The following LRFN5 variants were observed in gnomAD, a reference collection of about 807,000 sequenced individuals.
LRFN5 encodes leucine-rich repeat and fibronectin type-III domain-containing protein 5.
In LRFN5, 24 loss-of-function variants were observed where a neutral mutation model predicts 45.6. The observed-to-expected ratio is 0.53, with a 90% CI of 0.38 to 0.74. The LOEUF is 0.74. Ranked by LOEUF, LRFN5 falls within the 30% of genes least tolerant of loss-of-function variation. The pLI is 0.00. For missense variants in LRFN5, 776 were observed against 861.5 expected, an observed-to-expected ratio of 0.90 and a Z score of 1.24; for synonymous variants, 340 against 313.8, an observed-to-expected ratio of 1.08 and a Z score of -0.88.
chr14:41,650,994 G>C (rs1019203475), intron 1 of LRFN5, among the ~76,000 whole-genome samples: 1 of 151,912 alleles, frequency 6.6e-6, no homozygotes, highest in African/African-American at 2.4e-5. Flanking sequence ...TTACAAAAAA[G>C]ATGCTGAGTC....
At chr14:41,746,520 G>C (rs1054846567) in intron 1 of LRFN5, among the ~76,000 whole-genome samples, 11 of 151,888 alleles carry the variant, frequency 7.2e-5, no homozygotes, top group Admixed American at 2.0e-4. Flanking sequence ...ACAAATAAAG[G>C]GGTGAGATGA....
At chr14:41,640,455 C>A (rs1016909008) in intron 1 of LRFN5, among the ~76,000 whole-genome samples, 1 of 152,058 alleles carries the variant, frequency 6.6e-6, no homozygotes, top group Non-Finnish European at 1.5e-5. Context: ...ACTGAGGATG[C>A]ATTTCCATTC....
intron 2 of LRFN5, among the ~76,000 whole-genome samples, chr14:41,875,419 AT>A (rs750086058): frequency 9.2e-5 from 14 of 152,218 alleles, no homozygotes; most frequent in Non-Finnish European, 5.9e-5. Flanking sequence ...GAAAGAACAC[AT>A]TTACCTTCAC....
intron 1 of LRFN5, among the ~76,000 whole-genome samples, chr14:41,719,279 T>C (rs1883616182): frequency 1.3e-5 from 2 of 152,134 alleles, no homozygotes; most frequent in South Asian, 4.1e-4. Context: ...CATTTAGGCT[T>C]TCCATTTTAG....
At chr14:41,676,815 C>G (rs969856032) in intron 1 of LRFN5, among the ~76,000 whole-genome samples, 1 of 152,126 alleles carries the variant, frequency 6.6e-6, no homozygotes, top group African/African-American at 2.4e-5. Context: ...TCCTGAGAAG[C>G]TAGTCTTTAA....
At chr14:41,732,875 A>G (rs1438251264) in intron 1 of LRFN5, among the ~76,000 whole-genome samples, 1 of 151,974 alleles carries the variant, frequency 6.6e-6, no homozygotes, top group Admixed American at 6.6e-5. Flanking sequence ...AGAAAAATCA[A>G]TAAATTTACA....
chr14:41,688,837 C>T lies in LRFN5; in HGVS notation c.-196-78017C>T, dbSNP rs567710710. On this transcript the variant is annotated intron_variant, in intron 1 of 5. Transcript: ENST00000298119. ...CTGAAATCTCAGCACTGTCAGTGACCGAGGCAGAAGGATCTCTTGAGGCCA... is the reference window on the plus strand; with the variant it reads ...CTGAAATCTCAGCACTGTCAGTGACTGAGGCAGAAGGATCTCTTGAGGCCA... 3.1e-4 allele frequency among the ~76,000 whole-genome samples: 47 copies of T among 149,878 alleles called. 1 individual carries two copies. Among genetic ancestry groups the T allele is most frequent in the South Asian group, 6.3e-4 (3 of 4,778 alleles).
At chr14:41,693,719 GAAT>G (rs1401391474) in intron 1 of LRFN5, among the ~76,000 whole-genome samples, 19 of 151,996 alleles carry the variant, frequency 1.3e-4, no homozygotes, top group African/African-American at 4.3e-4. Context: ...TGTTTTCTGA[GAAT>G]AATAACTTTT....
At chr14:41,843,935 T>C (rs1888957526) in intron 2 of LRFN5, among the ~76,000 whole-genome samples, 1 of 152,130 alleles carries the variant, frequency 6.6e-6, no homozygotes, top group Admixed American at 6.6e-5. Context: ...AAAATTTTAA[T>C]GGTCACTGTT....
chr14:41,798,026 C>T (rs1887193764), intron 2 of LRFN5, among the ~76,000 whole-genome samples: 1 of 151,944 alleles, frequency 6.6e-6, no homozygotes, highest in Non-Finnish European at 1.5e-5. Flanking sequence ...TATTTGCACA[C>T]GTTTTCCTCT....
At chr14:41,626,284 A>G (rs537791335) in intron 1 of LRFN5, among the ~76,000 whole-genome samples, 1 of 152,222 alleles carries the variant, frequency 6.6e-6, no homozygotes, top group East Asian at 1.9e-4. Flanking sequence ...GCTGTTAAAT[A>G]TGTATGTGCC....
At chr14:41,781,606 AAGAAAGAAAGAG>A (rs1246587891) in intron 2 of LRFN5, among the ~76,000 whole-genome samples, 6 of 90,730 alleles carry the variant, frequency 6.6e-5, no homozygotes, top group Non-Finnish European at 1.3e-4. Context: ...GAAAGAAAGA[AAGAAAGAAAGAG>A]AAAGAAAGAA....
At chr14:41,714,483 T>C (rs1014556945) in intron 1 of LRFN5, among the ~76,000 whole-genome samples, 5 of 152,192 alleles carry the variant, frequency 3.3e-5, no homozygotes, top group Admixed American at 2.6e-4. Context: ...ATTGGATTAA[T>C]TTTTTCCCTT....
At chr14:41,708,489 TATCTA>T (rs1883154262) in intron 1 of LRFN5, among the ~76,000 whole-genome samples, 1 of 152,084 alleles carries the variant, frequency 6.6e-6, no homozygotes, top group South Asian at 2.1e-4. Context: ...TATAATCAAA[TATCTA>T]ATCACTGTTC....
chr14:41,890,938 C>T (rs1486004092), intron 3 of LRFN5, among the ~76,000 whole-genome samples: 1 of 152,110 alleles, frequency 6.6e-6, no homozygotes, highest in Non-Finnish European at 1.5e-5. Context: ...GTCACAGTCA[C>T]ACCTTTCAAA....
At chr14:41,621,125 T>C (rs1195401619) in intron 1 of LRFN5, among the ~76,000 whole-genome samples, 1 of 152,078 alleles carries the variant, frequency 6.6e-6, no homozygotes, top group Non-Finnish European at 1.5e-5. Flanking sequence ...CATTTGAGGA[T>C]ACACGAAAAA....
Position 41,893,101 on chromosome 14 carries a change from A to T in LRFN5, c.2098+1139A>T, listed in dbSNP as rs756523510. ...TTCCCATTTGCACTATAGTTTTTGC[A>T]TTTGAATGTTTTCCTTTTAAAGTAA... On this transcript the variant is annotated intron_variant, in intron 4 of 5. Transcript: ENST00000298119. 59 of 984,666 alleles carry T rather than the reference A, an allele frequency of 6.0e-5. 1 individual carries two copies. The highest frequency in any genetic ancestry group is 7.1e-5 in the Non-Finnish European group (59 of 829,518). The allele number at this position is 984,666 out of a possible 1,614,324, so 61.0% of individuals were successfully genotyped here. A position where few individuals can be genotyped will look rare whatever the true frequency, so the allele number is the denominator to read the frequency against.
At chr14:41,675,200 T>A (rs896776625) in intron 1 of LRFN5, among the ~76,000 whole-genome samples, 5 of 151,792 alleles carry the variant, frequency 3.3e-5, no homozygotes, top group Non-Finnish European at 7.4e-5. Context: ...CCAGACGGGG[T>A]GGCGGCCAGG....
At chr14:41,759,185 A>G (rs1390220105) in intron 1 of LRFN5, among the ~76,000 whole-genome samples, 1 of 152,110 alleles carries the variant, frequency 6.6e-6, no homozygotes, top group Admixed American at 6.5e-5. Flanking sequence ...CCTCCTTCCC[A>G]AAAAGGTGCT....
Sources: gnomAD v4.1 joint callset for allele counts (sites outside exome capture counted in the v4.1 genomes callset) on GRCh38, gnomAD v4.1.1 for gene constraint, MANE v1.5 for transcripts, NCBI Gene and HGNC (gene_info 2026-07-23, HGNC 2026-07-21) for gene names.